Variants in RBMS3 observed in about 807,000 individuals in gnomAD.
RBMS3 encodes the protein RNA-binding motif, single-stranded-interacting protein 3.
In RBMS3, 27 loss-of-function variants were observed where a neutral mutation model predicts 66.8. That is an observed-to-expected ratio of 0.40 (90% CI 0.30 to 0.56). The LOEUF (loss-of-function observed/expected upper bound fraction) is 0.56, where lower values mean the gene tolerates loss of function less well. Ranked by LOEUF, RBMS3 falls within the 20% of genes least tolerant of loss-of-function variation. The pLI is 0.40. For missense variants in RBMS3, 513 were observed against 549.5 expected (o/e 0.93, Z 0.66); for synonymous variants, 188 against 183.0 (o/e 1.03, Z -0.22).
intron 5 of RBMS3, among the ~76,000 whole-genome samples, chr3:29,746,799 T>C (rs1050010061): frequency 5.3e-5 from 8 of 152,372 alleles, no homozygotes; most frequent in African/African-American, 1.9e-4. Context: ...TCTTGTTGTA[T>C]ATATGCCTTT....
chr3:29,288,225 T>G (rs1190462599), intron 1 of RBMS3, among the ~76,000 whole-genome samples: 2 of 152,062 alleles, frequency 1.3e-5, no homozygotes, highest in African/African-American at 4.8e-5. Context: ...AGTATCTTAG[T>G]GGTATCTTCA....
At chr3:29,802,846 G>A (rs974936965) in intron 6 of RBMS3, among the ~76,000 whole-genome samples, 1 of 152,056 alleles carries the variant, frequency 6.6e-6, no homozygotes, top group African/African-American at 2.4e-5. Flanking sequence ...TTATAAAATG[G>A]GAGTGTGTAT....
chr3:29,396,200 G>A (rs1454301720), intron 1 of RBMS3, among the ~76,000 whole-genome samples: 2 of 151,992 alleles, frequency 1.3e-5, no homozygotes, highest in Non-Finnish European at 2.9e-5. Flanking sequence ...TTCCAGCCAC[G>A]AATCATGCAT....
At chr3:29,793,606 T>G (rs1230699127) in intron 6 of RBMS3, among the ~76,000 whole-genome samples, 1 of 152,236 alleles carries the variant, frequency 6.6e-6, no homozygotes, top group African/African-American at 2.4e-5. Flanking sequence ...TAATTTTGAC[T>G]CATTATAAAC....
chr3:29,747,351 CATCTATCT>C (rs201267769), intron 5 of RBMS3, among the ~76,000 whole-genome samples: 11 of 151,030 alleles, frequency 7.3e-5, no homozygotes, highest in Middle Eastern at 3.4e-3. Flanking sequence ...CTTTTCCTGA[CATCTATCT>C]ATCTATCTAT....
chr3:29,920,473 T>C (rs1176953095), intron 10 of RBMS3, among the ~76,000 whole-genome samples: 1 of 152,218 alleles, frequency 6.6e-6, no homozygotes, highest in African/African-American at 2.4e-5. Context: ...TCTGAAATTT[T>C]TGCATACTAC....
At chr3:29,632,020 C>CA (rs60360709) in intron 4 of RBMS3, among the ~76,000 whole-genome samples, 14,156 of 151,866 alleles carry the variant, frequency 0.093, 1,170 homozygotes, top group East Asian at 0.35. Context: ...CACTTCCTTG[C>CA]AAATGAATGA....
At chr3:29,938,949 A>G (rs2061330996) in intron 11 of RBMS3, among the ~76,000 whole-genome samples, 1 of 151,996 alleles carries the variant, frequency 6.6e-6, no homozygotes, top group African/African-American at 2.4e-5. Context: ...TATCTTATAC[A>G]GTGTGATACC....
rs377262603 is a variant in RBMS3, at chr3:29,325,689, A to G, written c.75+43933A>G. 9.9e-5 allele frequency among the ~76,000 whole-genome samples: 15 copies of G among 151,872 alleles called. No homozygotes were observed. In the East Asian group the frequency reaches 1.5e-3, roughly 16 times the overall value. ...ATACACACACATATGTATAAATTTG[A>G]CATGACTGGTATAGTTATCCAAACT... On this transcript the variant is annotated intron_variant, in intron 1 of 14. Transcript: ENST00000383767.
At chr3:29,739,635 T>G (rs2054545446) in intron 4 of RBMS3, 85 bp from the exon 5 acceptor site, 2 of 1,246,692 alleles carry the variant, frequency 1.6e-6, no homozygotes, top group East Asian at 4.9e-5. Context: ...ATTATCTAGA[T>G]TGCAGTTTAA....
chr3:29,852,930 T>C (rs1160943415), intron 6 of RBMS3, among the ~76,000 whole-genome samples: 2 of 152,156 alleles, frequency 1.3e-5, no homozygotes, highest in Non-Finnish European at 2.9e-5. Flanking sequence ...CAATGACAGA[T>C]TAGATAACAA....
At chr3:29,940,113 C>T (rs1043051704) in intron 11 of RBMS3, among the ~76,000 whole-genome samples, 8 of 151,874 alleles carry the variant, frequency 5.3e-5, no homozygotes, top group Non-Finnish European at 1.0e-4. Flanking sequence ...CTGATTTTCT[C>T]TCATAGACAT....
chr3:29,345,221 CA>C (rs1453944006), intron 1 of RBMS3, among the ~76,000 whole-genome samples: 1 of 152,142 alleles, frequency 6.6e-6, no homozygotes, highest in Non-Finnish European at 1.5e-5. Flanking sequence ...CAGCAATTTG[CA>C]TTATTTATTC....
At chr3:29,455,803 CA>C (rs1156784644) in intron 2 of RBMS3, among the ~76,000 whole-genome samples, 3,041 of 116,710 alleles carry the variant, frequency 0.026, 76 homozygotes, top group African/African-American at 0.082. Context: ...CACACACGCA[CA>C]AAAAAAAAAA....
chr3:29,738,987 G>T (rs1334609454), intron 4 of RBMS3, among the ~76,000 whole-genome samples: 1 of 152,086 alleles, frequency 6.6e-6, no homozygotes, highest in Non-Finnish European at 1.5e-5. Flanking sequence ...TAAGAATATT[G>T]AATGAAATAA....
At chr3:29,367,548 G>A (rs1171281586) in intron 1 of RBMS3, among the ~76,000 whole-genome samples, 1 of 152,018 alleles carries the variant, frequency 6.6e-6, no homozygotes, top group African/African-American at 2.4e-5. Flanking sequence ...TTTATAATCA[G>A]AAACACATAA....
In RBMS3 at chr3:30,006,594, G is replaced by A. The variant is rs745851358; in HGVS notation, c.*2732G>A. 6 of 151,722 alleles carry A rather than the reference G, an allele frequency of 4.0e-5. No individual in the cohort carries two copies. Among genetic ancestry groups the A allele is most frequent in the Non-Finnish European group, 7.4e-5 (5 of 67,812 alleles). The allele number at this position is 151,722 out of a possible 1,614,324, so 9.4% of individuals were successfully genotyped here. On this transcript the variant is annotated 3_prime_UTR_variant, in exon 15 of 15. Transcript: ENST00000383767. Reference sequence around the variant, plus strand: ...AAAGTGGGCCCCAAAGTTTTTTGGGGTACAAAAAGACATGTATGAGAACCA... The same window carrying A: ...AAAGTGGGCCCCAAAGTTTTTTGGGATACAAAAAGACATGTATGAGAACCA...
chr3:29,587,253 T>TTTTG, intron 4 of RBMS3, 48 bp downstream of exon 4: 1 of 589,214 alleles, frequency 1.7e-6, no homozygotes, highest in South Asian at 2.6e-5. Context: ...TTTTTTTGTG[T>TTTTG]GTGTGTGTGT....
At chr3:29,816,179 T>C (rs1353617373) in intron 6 of RBMS3, among the ~76,000 whole-genome samples, 1 of 152,078 alleles carries the variant, frequency 6.6e-6, no homozygotes, top group African/African-American at 2.4e-5. Flanking sequence ...CTCAGTCTTT[T>C]ACTGGACCCT....
Sources: allele counts gnomAD v4.1 joint callset (sites outside exome capture counted in the v4.1 genomes callset), GRCh38; gene constraint gnomAD v4.1.1; transcripts MANE v1.5; gene names NCBI Gene and HGNC (gene_info 2026-07-23, HGNC 2026-07-21).